MSI2: variants seen among roughly 807,000 people sequenced by gnomAD.
MSI2 encodes the protein musashi RNA binding protein 2, also known as RNA-binding protein Musashi homolog 2.
Under a neutral mutation model 45.6 loss-of-function variants are expected in MSI2, and 17 were observed. The ratio of observed to expected loss-of-function variants is 0.37; its 90% CI spans 0.26 to 0.56. MSI2 has a LOEUF of 0.56. MSI2 is among the 20% of genes least tolerant of loss of function. The probability of loss-of-function intolerance (pLI) is 0.77; values close to 1 mark genes in which losing one functional copy is unlikely to be tolerated. For missense variants in MSI2, 293 were observed against 444.2 expected, an observed-to-expected ratio of 0.66 and a Z score of 3.06; for synonymous variants, 156 against 158.2, an observed-to-expected ratio of 0.99 and a Z score of 0.11.
chr17:57,463,739 G>A (rs1243770473), intron 6 of MSI2, among the ~76,000 whole-genome samples: 1 of 146,482 alleles, frequency 6.8e-6, no homozygotes, highest in Non-Finnish European at 1.5e-5. Context: ...GCCCTGGACA[G>A]CACATCTGCT....
chr17:57,649,199 C>T lies in MSI2; in HGVS notation c.728-2900C>T, dbSNP rs1360111319. Among the ~76,000 whole-genome samples, 5 of 152,140 alleles carry T rather than the reference C, an allele frequency of 3.3e-5. No homozygotes were observed. The East Asian group carries it at 9.6e-4, about 29-fold the overall frequency. The stretch of plus-strand genomic sequence containing the variant: ...ACCCAACACATGTACACAATACGTA[C>T]ACTCAATATACAACACACACACCCA... On this transcript the variant is annotated intron_variant, in intron 10 of 13. Coordinates refer to ENST00000284073, the MANE Select transcript of MSI2 (RefSeq NM_138962.4).
chr17:57,368,124 A>C (rs908594840), intron 5 of MSI2, among the ~76,000 whole-genome samples: 1 of 152,204 alleles, frequency 6.6e-6, no homozygotes, highest in African/African-American at 2.4e-5. Context: ...TTAAATAATA[A>C]TTTTAAGACT....
At chr17:57,593,225 C>G (rs145270135) in intron 7 of MSI2, among the ~76,000 whole-genome samples, 3 of 152,286 alleles carry the variant, frequency 2.0e-5, no homozygotes, top group East Asian at 3.9e-4. Context: ...GTGCAGCCCC[C>G]CTGTGTGGGA....
At chr17:57,298,047 T>G (rs528395862) in intron 5 of MSI2, among the ~76,000 whole-genome samples, 1 of 152,302 alleles carries the variant, frequency 6.6e-6, no homozygotes, top group South Asian at 2.1e-4. Context: ...CTGATTTTTT[T>G]TTTTTTTTAC....
At chr17:57,376,767 G>A (rs897556960) in intron 5 of MSI2, among the ~76,000 whole-genome samples, 3 of 152,258 alleles carry the variant, frequency 2.0e-5, no homozygotes, top group African/African-American at 2.4e-5. Context: ...GTTGCTTTCT[G>A]GACTTGAGAA....
intron 6 of MSI2, among the ~76,000 whole-genome samples, chr17:57,510,815 A>C (rs976558222): frequency 2.0e-5 from 3 of 152,216 alleles, no homozygotes; most frequent in African/African-American, 7.2e-5. Context: ...CTTTTAGAAA[A>C]TAGGCTTATG....
Position 57,515,192 on chromosome 17 carries a change from ATCTGAG to A in MSI2, c.406-14480_406-14475del, listed in dbSNP as rs141955270. Among the ~76,000 whole-genome samples, 1,338 of 152,268 alleles carry A rather than the reference ATCTGAG, an allele frequency of 8.8e-3. 15 individuals carry two copies. Among genetic ancestry groups the A allele is most frequent in the Non-Finnish European group, 0.014 (935 of 68,010 alleles). ...ACCACTGGGTTTGATGCTCTTTTTT[ATCTGAG>A]TCTATTTTGTTTTGTTTTGTTTTGA... On this transcript the variant is annotated intron_variant, in intron 6 of 13. Transcript: ENST00000284073.
intron 5 of MSI2, among the ~76,000 whole-genome samples, chr17:57,285,125 A>G (rs988553982): frequency 2.0e-5 from 3 of 152,048 alleles, no homozygotes; most frequent in Non-Finnish European, 4.4e-5. Context: ...CCCCTTAGAT[A>G]AGGAACCGTC....
chr17:57,469,670 G>C (rs1271599018), intron 6 of MSI2, among the ~76,000 whole-genome samples: 1 of 152,210 alleles, frequency 6.6e-6, no homozygotes, highest in African/African-American at 2.4e-5. Flanking sequence ...GGAGAGAGAA[G>C]GGTTGGTGAG....
chr17:57,681,274 C>T lies in MSI2; in HGVS notation c.*1757C>T, dbSNP rs1214280392. 5.5e-6 allele frequency: 1 copy of T among 182,496 alleles called. No individual in the cohort carries two copies. The highest frequency in any genetic ancestry group is 8.9e-5 in the East Asian group (1 of 11,298). The allele number at this position is 182,496 out of a possible 1,614,324, so 11.3% of individuals were successfully genotyped here. A position where few individuals can be genotyped will look rare whatever the true frequency, so the allele number is the denominator to read the frequency against. Reference sequence around the variant, plus strand: ...TTTTTAAATATTGGTAATAGGTCGGCAACAGCAACTATAGAAGTACAACTC... The same window carrying T: ...TTTTTAAATATTGGTAATAGGTCGGTAACAGCAACTATAGAAGTACAACTC... On this transcript the variant is annotated 3_prime_UTR_variant, in exon 14 of 14. Transcript: ENST00000284073.
chr17:57,463,455 G>A (rs1336053571), intron 6 of MSI2, among the ~76,000 whole-genome samples: 1 of 152,012 alleles, frequency 6.6e-6, no homozygotes, highest in Non-Finnish European at 1.5e-5. Flanking sequence ...CCTCCCCATG[G>A]CCCCACTGAG....
chr17:57,487,976 G>A (rs2085788174), intron 6 of MSI2, among the ~76,000 whole-genome samples: 1 of 151,956 alleles, frequency 6.6e-6, no homozygotes, highest in South Asian at 2.1e-4. Context: ...TCACTAGATG[G>A]TGAGTTCCTC....
intron 5 of MSI2, chr17:57,265,565 G>GAACTTATTCACCA (rs1907694516): frequency 6.6e-6 from 1 of 152,128 alleles, no homozygotes; most frequent in African/African-American, 2.4e-5. Flanking sequence ...GTCACCAAAG[G>GAACTTATTCACCA]AAGGTTTTGA....
At chr17:57,608,976 A>AGG (rs1906954931) in intron 8 of MSI2, among the ~76,000 whole-genome samples, 1 of 152,164 alleles carries the variant, frequency 6.6e-6, no homozygotes, top group Non-Finnish European at 1.5e-5. Flanking sequence ...ATGGCAAAGG[A>AGG]GGGCTGTGCA....
intron 7 of MSI2, among the ~76,000 whole-genome samples, chr17:57,556,656 G>A (rs2087442835): frequency 6.6e-6 from 1 of 152,208 alleles, no homozygotes; most frequent in Admixed American, 6.5e-5. Flanking sequence ...TTGCCATTAA[G>A]TGAGTTTATG....
At chr17:57,342,337 C>G (rs1438598386) in intron 5 of MSI2, among the ~76,000 whole-genome samples, 1 of 152,184 alleles carries the variant, frequency 6.6e-6, no homozygotes, top group Admixed American at 6.5e-5. Flanking sequence ...GTTGAACGCT[C>G]TGAGAGGCCA....
At chr17:57,638,368 C>T (rs577989543) in intron 10 of MSI2, among the ~76,000 whole-genome samples, 27 of 152,160 alleles carry the variant, frequency 1.8e-4, no homozygotes, top group Admixed American at 5.2e-4. Flanking sequence ...CATCAGCACC[C>T]GACCCGAGAC....
rs199585902 is a variant in MSI2, at chr17:57,659,056, T to TTTGG, written c.790+6918_790+6921dup. Among the ~76,000 whole-genome samples the TTTGG allele has an allele frequency of 4.7e-3, 513 of 108,102 alleles. 2 individuals are homozygous for TTTGG. The highest frequency in any genetic ancestry group is 8.8e-3 in the African/African-American group (310 of 35,152). The allele number at this position is 108,102 out of a possible 152,430, so 70.9% of individuals were successfully genotyped here. A position where few individuals can be genotyped will look rare whatever the true frequency, so the allele number is the denominator to read the frequency against. ...GTGTTTTGCAGAGGTTTTTTTTTTA[T>TTTGG]TTGGTTGGTTGGTTGGTTGGTTGGT... On this transcript the variant is annotated intron_variant, in intron 11 of 13. Transcript: ENST00000284073.
intron 5 of MSI2, among the ~76,000 whole-genome samples, chr17:57,332,989 C>G (rs1361503877): frequency 1.3e-5 from 2 of 151,974 alleles, no homozygotes; most frequent in Non-Finnish European, 2.9e-5. Flanking sequence ...CATGCCACTG[C>G]ACTCCAGCCT....
Sources: gnomAD v4.1 joint callset for allele counts (sites outside exome capture counted in the v4.1 genomes callset) on GRCh38, gnomAD v4.1.1 for gene constraint, MANE v1.5 for transcripts, NCBI Gene and HGNC (gene_info 2026-07-23, HGNC 2026-07-21) for gene names.